FDX1: variants seen among roughly 807,000 people sequenced by gnomAD.
FDX1 encodes adrenodoxin, mitochondrial.
In FDX1, 9 loss-of-function variants were observed where a neutral mutation model predicts 14.9. The observed-to-expected ratio is 0.60, with a 90% CI of 0.36 to 1.05. The LOEUF (loss-of-function observed/expected upper bound fraction) is 1.05, where lower values mean the gene tolerates loss of function less well. Among genes scored for constraint, FDX1 ranks in the 50% least tolerant of loss-of-function variants. The probability of loss-of-function intolerance (pLI) is 0.01; values close to 1 mark genes in which losing one functional copy is unlikely to be tolerated. For synonymous variants in FDX1, 92 were observed against 99.4 expected (o/e 0.93, Z 0.44); for missense variants, 204 against 237.2 (o/e 0.86, Z 0.92).
At chr11:110,461,045 A>AT (rs1946553190) in intron 3 of FDX1, among the ~76,000 whole-genome samples, 3 of 152,254 alleles carry the variant, frequency 2.0e-5, no homozygotes, top group Non-Finnish European at 4.4e-5. Context: ...AGACATGTCA[A>AT]TTGTAAGATT....
chr11:110,435,705 AT>A, intron 1 of FDX1, 128 bp from the exon 2 acceptor site: 3 of 594,934 alleles, frequency 5.0e-6, no homozygotes, highest in Non-Finnish European at 8.2e-6. Context: ...AATAAAAAAA[AT>A]TAGCCAGGCG....
At chr11:110,433,518 T>A (rs961184236) in intron 1 of FDX1, among the ~76,000 whole-genome samples, 1 of 152,268 alleles carries the variant, frequency 6.6e-6, no homozygotes, top group African/African-American at 2.4e-5. Flanking sequence ...GTTAAGTCAC[T>A]GCATTCTCTG....
At chr11:110,434,725 G>GT (rs56907322) in intron 1 of FDX1, among the ~76,000 whole-genome samples, 2,154 of 105,422 alleles carry the variant, frequency 0.02, 70 homozygotes, top group East Asian at 0.065. Context: ...GACTTTTTTT[G>GT]TTTTTTTTTT....
intron 2 of FDX1, among the ~76,000 whole-genome samples, chr11:110,455,077 G>A (rs1946513597): frequency 6.6e-6 from 1 of 152,160 alleles, no homozygotes; most frequent in African/African-American, 2.4e-5. Flanking sequence ...GGCAATCTCG[G>A]CTCACTGCAT....
upstream of FDX1, among the ~76,000 whole-genome samples, chr11:110,429,695 T>A (rs1441170817): frequency 6.6e-6 from 1 of 152,018 alleles, no homozygotes; most frequent in Non-Finnish European, 1.5e-5. Context: ...GGCTAGGGGA[T>A]GGGGGTATGC....
rs2134696597 is a variant in FDX1 at position 110,463,108 on chromosome 11, T to C, written c.*640T>C. On this transcript the variant is annotated 3_prime_UTR_variant, in exon 4 of 4. Coordinates refer to ENST00000260270, the MANE Select transcript of FDX1 (RefSeq NM_004109.5). Reference sequence around the variant, plus strand: ...TCTGGACGTAGACATTATAATGCTATCAAAGAAGTTTGATCTCTGTTTTGA... The same window carrying C: ...TCTGGACGTAGACATTATAATGCTACCAAAGAAGTTTGATCTCTGTTTTGA... 6.6e-6 allele frequency: 1 copy of C among 152,394 alleles called. No homozygotes were observed. The highest frequency in any genetic ancestry group is 2.1e-4 in the South Asian group (1 of 4,830). 9.4% of individuals were successfully genotyped at this position (152,394 alleles called of 1,614,324 possible).
rs200717684 is a variant in FDX1, at chr11:110,441,547, CT to C, written c.310+5590del. ...GCAAAGAGACTAGCGCATTTTGCCC[CT>C]GCCCTAGAGATTTGTGGAACTTTGA... On this transcript the variant is annotated intron_variant, in intron 2 of 3. Transcript: ENST00000260270. 5.3e-5 allele frequency among the ~76,000 whole-genome samples: 8 copies of C among 152,326 alleles called. No homozygotes were observed. The East Asian group carries it at 1.5e-3, about 29-fold the overall frequency.
At chr11:110,456,463 G>A (rs1331433606) in intron 2 of FDX1, among the ~76,000 whole-genome samples, 2 of 151,032 alleles carry the variant, frequency 1.3e-5, no homozygotes, top group Non-Finnish European at 2.9e-5. Context: ...GGAGATGGAG[G>A]CTTGTTGCCC....
chr11:110,453,035 A>T (rs2134689516), intron 2 of FDX1, among the ~76,000 whole-genome samples: 1 of 152,292 alleles, frequency 6.6e-6, no homozygotes, highest in South Asian at 2.1e-4. Context: ...GTCTATACAT[A>T]CATTAAAACT....
intron 2 of FDX1, among the ~76,000 whole-genome samples, chr11:110,438,479 G>T (rs1287375879): frequency 6.6e-6 from 1 of 152,032 alleles, no homozygotes; most frequent in African/African-American, 2.4e-5. Context: ...AGGCTGGAGT[G>T]CAGTGGCGCA....
At position 110,439,213 on chromosome 11, in the gene FDX1, T is replaced by A. The variant is rs1358021807; in HGVS notation, c.310+3255T>A. Among the ~76,000 whole-genome samples the A allele has an allele frequency of 5.3e-5, 8 of 151,504 alleles. 1 individual carries two copies. The East Asian group carries it at 1.4e-3, about 26-fold the overall frequency. ...AGCCACCATGCCTGCTCTGCCCACT[T>A]CCCCCCAACCCCGAGACGGAGTCTC... On this transcript the variant is annotated intron_variant, in intron 2 of 3. Transcript: ENST00000260270.
intron 2 of FDX1, among the ~76,000 whole-genome samples, chr11:110,455,241 C>T (rs1946514537): frequency 6.6e-6 from 1 of 151,744 alleles, no homozygotes; most frequent in Non-Finnish European, 1.5e-5. Flanking sequence ...CTCACGTGAT[C>T]CATCTGCCTC....
At position 110,458,944 on chromosome 11, in the gene FDX1, G is replaced by A. The variant is rs2134693701; in HGVS notation, c.440+1897G>A. Among the ~76,000 whole-genome samples, 3 of 152,210 alleles carry A rather than the reference G, an allele frequency of 2.0e-5. 1 individual carries two copies. The highest frequency in any genetic ancestry group is 1.9e-4 in the East Asian group (1 of 5,188). ...GTTGTCCTTAACCTTGATTGTTGAT[G>A]GATGGATGGATGATACATGGACAGC... is the stretch of plus-strand genomic sequence containing the variant. On this transcript the variant is annotated intron_variant, in intron 3 of 3. Coordinates refer to ENST00000260270, the MANE Select transcript of FDX1 (RefSeq NM_004109.5).
chr11:110,456,288 A>G (rs1946521004), intron 2 of FDX1, among the ~76,000 whole-genome samples: 1 of 152,056 alleles, frequency 6.6e-6, no homozygotes, highest in African/African-American at 2.4e-5. Context: ...AATTGCACAA[A>G]TTTTTATATG....
chr11:110,452,808 T>G (rs969603163), intron 2 of FDX1, among the ~76,000 whole-genome samples: 2 of 152,210 alleles, frequency 1.3e-5, no homozygotes, highest in African/African-American at 4.8e-5. Flanking sequence ...AAAGGCATTG[T>G]GTTGAGTGAA....
intron 2 of FDX1, among the ~76,000 whole-genome samples, chr11:110,438,940 G>C (rs1049612136): frequency 1.3e-5 from 2 of 152,012 alleles, no homozygotes; most frequent in African/African-American, 4.8e-5. Flanking sequence ...GTCTTGTTCT[G>C]TCGCCCAGGC....
chr11:110,464,431 G>A lies in FDX1; in HGVS notation c.*1963G>A, dbSNP rs1946580424. 2 of 152,154 alleles carry A rather than the reference G, an allele frequency of 1.3e-5. No individual in the cohort carries two copies. Among genetic ancestry groups the A allele is most frequent in the African/African-American group, 4.8e-5 (2 of 41,428 alleles). The allele number at this position is 152,154 out of a possible 1,614,324, so 9.4% of individuals were successfully genotyped here. ...ATGGTGGAAGGGCAAGAGAATGCGAGTGAGAGCAAGAGGGCAAAATGATTA... is the reference window on the plus strand; with the variant it reads ...ATGGTGGAAGGGCAAGAGAATGCGAATGAGAGCAAGAGGGCAAAATGATTA... On this transcript the variant is annotated 3_prime_UTR_variant, in exon 4 of 4. Coordinates refer to ENST00000260270, the MANE Select transcript of FDX1 (RefSeq NM_004109.5).
At chr11:110,429,852 G>A, upstream of FDX1, 1 of 305,026 alleles carries the variant, frequency 3.3e-6, no homozygotes, top group Non-Finnish European at 6.0e-6. Context: ...GGCCCCCTGC[G>A]CTGGCCCCGC....
At chr11:110,453,532 C>G (rs1450717876) in intron 2 of FDX1, among the ~76,000 whole-genome samples, 1 of 149,886 alleles carries the variant, frequency 6.7e-6, no homozygotes, top group Non-Finnish European at 1.5e-5. Flanking sequence ...CTTTTTTATA[C>G]CCAAATATTT....
Sources: gnomAD v4.1 joint callset for allele counts (sites outside exome capture counted in the v4.1 genomes callset) on GRCh38, gnomAD v4.1.1 for gene constraint, MANE v1.5 for transcripts, NCBI Gene and HGNC (gene_info 2026-07-23, HGNC 2026-07-21) for gene names.